Variants in RAB38 observed in about 807,000 individuals in gnomAD.
RAB38 encodes ras-related protein Rab-38.
A neutral mutation model predicts 18.4 loss-of-function variants in RAB38; 15 were observed. The observed-to-expected ratio is 0.82, with a 90% confidence interval of 0.55 to 1.26. The LOEUF is 1.26. RAB38 is among the 50% of genes most tolerant of loss of function. The pLI is 0.00. For missense variants in RAB38, 294 were observed against 267.4 expected, an observed-to-expected ratio of 1.10 and a Z score of -0.69; for synonymous variants, 101 against 104.4, an observed-to-expected ratio of 0.97 and a Z score of 0.20.
chr11:87,940,213 T>C, the RAB38 span, among the ~76,000 whole-genome samples: 38 of 150,766 alleles, frequency 2.5e-4, no homozygotes, highest in African/African-American at 9.3e-4. Flanking sequence ...GCATAGTTGG[T>C]TGGAGTTAAT....
At chr11:88,019,139 C>T in the RAB38 span, among the ~76,000 whole-genome samples, 5 of 152,028 alleles carry the variant, frequency 3.3e-5, no homozygotes, top group Non-Finnish European at 7.4e-5. Flanking sequence ...TAACTGATTT[C>T]CATAAACTGG....
chr11:87,811,206 G>C, the RAB38 span, among the ~76,000 whole-genome samples: 1 of 152,128 alleles, frequency 6.6e-6, no homozygotes, highest in Non-Finnish European at 1.5e-5. Flanking sequence ...TTCTAGTGGA[G>C]TGTCCCTGGA....
At chr11:87,811,760 A>C in the RAB38 span, among the ~76,000 whole-genome samples, 1 of 152,296 alleles carries the variant, frequency 6.6e-6, no homozygotes, top group South Asian at 2.1e-4. Context: ...TTATTTGAAA[A>C]ATTCTAAAAA....
At chr11:87,930,628 G>GA in the RAB38 span, among the ~76,000 whole-genome samples, 1 of 152,110 alleles carries the variant, frequency 6.6e-6, no homozygotes, top group African/African-American at 2.4e-5. Flanking sequence ...ATTTAGACAT[G>GA]AAGCATTTGA....
intron 1 of RAB38, among the ~76,000 whole-genome samples, chr11:88,165,124 A>G (rs1197210067): frequency 6.6e-6 from 1 of 152,170 alleles, no homozygotes; most frequent in Non-Finnish European, 1.5e-5. Context: ...TTACTATTTT[A>G]AAATATATAA....
chr11:87,976,276 G>GTATA, the RAB38 span, among the ~76,000 whole-genome samples: 14 of 140,230 alleles, frequency 1.0e-4, no homozygotes, highest in East Asian at 4.1e-4. Flanking sequence ...GAAGGTGTGT[G>GTATA]TATATATATA....
chr11:87,942,590 G>A, the RAB38 span, among the ~76,000 whole-genome samples: 1 of 152,118 alleles, frequency 6.6e-6, no homozygotes, highest in Non-Finnish European at 1.5e-5. Flanking sequence ...GAGGGGCACT[G>A]TCTCAAAATA....
the RAB38 span, among the ~76,000 whole-genome samples, chr11:87,914,193 A>G: frequency 6.6e-6 from 1 of 152,108 alleles, no homozygotes; most frequent in Non-Finnish European, 1.5e-5. Flanking sequence ...AACACAAAAA[A>G]AAGAGGGAAA....
At chr11:88,065,721 G>A in the RAB38 span, among the ~76,000 whole-genome samples, 5 of 152,176 alleles carry the variant, frequency 3.3e-5, no homozygotes, top group Non-Finnish European at 7.3e-5. Context: ...TAGGGTTGCT[G>A]TAAGGATTAA....
chr11:88,173,004 A>G (rs1275203760), intron 1 of RAB38, among the ~76,000 whole-genome samples: 3 of 152,168 alleles, frequency 2.0e-5, no homozygotes, highest in African/African-American at 7.2e-5. Flanking sequence ...AAGACTTCAG[A>G]TTTCTTATTT....
the RAB38 span, among the ~76,000 whole-genome samples, chr11:87,943,805 A>G: frequency 6.6e-6 from 1 of 152,202 alleles, no homozygotes; most frequent in Admixed American, 6.6e-5. Flanking sequence ...ATCATTTTAG[A>G]GACCAGTAAG....
At chr11:88,092,300 C>T in the RAB38 span, among the ~76,000 whole-genome samples, 2 of 78,256 alleles carry the variant, frequency 2.6e-5, 1 homozygote, top group Non-Finnish European at 5.1e-5. Flanking sequence ...AGGAGACGGC[C>T]GGTGTATCAC....
the RAB38 span, among the ~76,000 whole-genome samples, chr11:88,036,679 T>G: frequency 6.6e-6 from 1 of 152,090 alleles, no homozygotes; most frequent in Non-Finnish European, 1.5e-5. Flanking sequence ...TAGGGTCACT[T>G]GTTTCTCTTT....
intron 1 of RAB38, among the ~76,000 whole-genome samples, chr11:88,153,823 C>T (rs897848264): frequency 1.3e-5 from 2 of 151,898 alleles, no homozygotes; most frequent in African/African-American, 2.4e-5. Context: ...TTCTTTTTTT[C>T]CCCCCAAGAT....
At chr11:87,896,761 G>A in the RAB38 span, among the ~76,000 whole-genome samples, 16 of 151,624 alleles carry the variant, frequency 1.1e-4, no homozygotes, top group East Asian at 1.2e-3. Flanking sequence ...TTCCTCCTTT[G>A]TAATCCTGGC....
the RAB38 span, among the ~76,000 whole-genome samples, chr11:87,902,241 G>C: frequency 2.1e-4 from 32 of 151,486 alleles, no homozygotes; most frequent in African/African-American, 7.2e-4. Flanking sequence ...TCTATAATAA[G>C]GCCACCAAAC....
intron 1 of RAB38, among the ~76,000 whole-genome samples, 182 bp downstream of exon 1, chr11:88,175,001 G>C (rs1045326865): frequency 2.0e-5 from 3 of 152,250 alleles, no homozygotes; most frequent in African/African-American, 7.2e-5. Flanking sequence ...AAAAGCGCCA[G>C]GGAATGCACT....
the RAB38 span, among the ~76,000 whole-genome samples, chr11:88,034,201 A>T: frequency 6.6e-6 from 1 of 152,142 alleles, no homozygotes; most frequent in Non-Finnish European, 1.5e-5. Flanking sequence ...TTCCCTTTTA[A>T]TTGCTGAGTA....
At chr11:87,877,410 C>A in the RAB38 span, among the ~76,000 whole-genome samples, 4 of 151,508 alleles carry the variant, frequency 2.6e-5, no homozygotes, top group African/African-American at 9.7e-5. Context: ...AAAATTATTT[C>A]TATTAGTTGA....
Sources: allele counts gnomAD v4.1 joint callset (sites outside exome capture counted in the v4.1 genomes callset), GRCh38; gene constraint gnomAD v4.1.1; transcripts MANE v1.5; gene names NCBI Gene and HGNC (gene_info 2026-07-23, HGNC 2026-07-21).